Variants in ARHGEF38 observed in about 807,000 individuals in gnomAD.
ARHGEF38 encodes Rho guanine nucleotide exchange factor 38.
Under a neutral mutation model 79.9 loss-of-function variants are expected in ARHGEF38, and 79 were observed. The observed-to-expected ratio is 0.99, with a 90% CI of 0.82 to 1.19. The LOEUF is 1.19. Among genes scored for constraint, ARHGEF38 ranks in the 50% most tolerant of loss-of-function variants. The pLI is 0.00. For synonymous variants in ARHGEF38, 366 were observed against 328.3 expected, an observed-to-expected ratio of 1.11 and a Z score of -1.24; for missense variants, 962 against 907.2, an observed-to-expected ratio of 1.06 and a Z score of -0.78.
rs1465637339 is a variant in ARHGEF38, at chr4:105,667,547, C to T, written c.1992C>T (p.Asn664=). The T allele has an allele frequency of 6.5e-7, 1 of 1,536,694 alleles. No homozygotes were observed. The highest frequency in any genetic ancestry group is 8.7e-7 in the Non-Finnish European group (1 of 1,147,058). ...ENRFCDDDFE[N]ISLFVSSRPA... ...GGTTCTGTGACGATGATTTTGAGAA[C>T]ATCAGCCTCTTCGTGTCTTCACGGC... Residue 664 remains asparagine (N), a synonymous_variant, in exon 13 of 14, where the codon AAC becomes AAT. Coordinates refer to ENST00000420470, the MANE Select transcript of ARHGEF38 (RefSeq NM_001242729.2).
chr4:105,590,920 A>G (rs1727304810), intron 2 of ARHGEF38, among the ~76,000 whole-genome samples: 1 of 152,132 alleles, frequency 6.6e-6, no homozygotes, highest in Non-Finnish European at 1.5e-5. Context: ...GCTGTTTTAA[A>G]AAATGATGGT....
chr4:105,675,363 T>C (rs935382716), intron 13 of ARHGEF38, among the ~76,000 whole-genome samples: 2 of 152,222 alleles, frequency 1.3e-5, no homozygotes, highest in South Asian at 2.1e-4. Context: ...CCATGCGCTC[T>C]GTAAAAGGTG....
chr4:105,644,039 G>T (rs1385976438), intron 5 of ARHGEF38, among the ~76,000 whole-genome samples: 1 of 151,520 alleles, frequency 6.6e-6, no homozygotes, highest in Admixed American at 6.6e-5. Flanking sequence ...GCTAACTTTT[G>T]TATTTTTTTC....
In ARHGEF38 at chr4:105,679,936, C is replaced by T; in HGVS notation, c.*1999C>T. ...AAACTTTATAATTACCTCTCTGAAG[C>T]CTTTTAGTGTAATTTCTCTTTGTGA... On this transcript the variant is annotated 3_prime_UTR_variant, in exon 14 of 14. Coordinates refer to ENST00000420470, the MANE Select transcript of ARHGEF38 (RefSeq NM_001242729.2). 2 of 1,382,132 alleles carry T rather than the reference C, an allele frequency of 1.4e-6. No individual in the cohort carries two copies. The highest frequency in any genetic ancestry group is 2.1e-6 in the Non-Finnish European group (2 of 973,424). The allele number at this position is 1,382,132 out of a possible 1,614,324, so 85.6% of individuals were successfully genotyped here. A position where few individuals can be genotyped will look rare whatever the true frequency, so the allele number is the denominator to read the frequency against.
chr4:105,579,268 A>T (rs199319), intron 1 of ARHGEF38, among the ~76,000 whole-genome samples: 147,847 of 152,296 alleles, frequency 0.97, 71,768 homozygotes, highest in East Asian at 1. Flanking sequence ...CAATACTATG[A>T]TGAGTTAGAG....
chr4:105,649,950 C>T (rs943017684), intron 7 of ARHGEF38, among the ~76,000 whole-genome samples: 4 of 152,168 alleles, frequency 2.6e-5, no homozygotes, highest in African/African-American at 9.7e-5. Flanking sequence ...ATAACAAATT[C>T]AATGTAATCA....
intron 2 of ARHGEF38, among the ~76,000 whole-genome samples, chr4:105,602,835 C>T (rs938911800): frequency 5.3e-5 from 8 of 152,130 alleles, no homozygotes; most frequent in Non-Finnish European, 1.5e-5. Context: ...AAAAAAGAGA[C>T]AAGTGAGAAA....
intron 2 of ARHGEF38, among the ~76,000 whole-genome samples, chr4:105,592,367 T>C (rs538760326): frequency 6.6e-6 from 1 of 152,158 alleles, no homozygotes; most frequent in South Asian, 2.1e-4. Context: ...AGCTTACTAT[T>C]CTCTGATGCC....
chr4:105,620,151 T>C (rs1319198298), intron 3 of ARHGEF38, among the ~76,000 whole-genome samples: 1 of 152,226 alleles, frequency 6.6e-6, no homozygotes, highest in Non-Finnish European at 1.5e-5. Flanking sequence ...TTTAAAATCT[T>C]GACTTAAGCA....
intron 4 of ARHGEF38, chr4:105,632,663 A>G (rs780874015): frequency 2.0e-5 from 3 of 152,190 alleles, no homozygotes; most frequent in Non-Finnish European, 4.4e-5. Flanking sequence ...AGCTGGAGCC[A>G]TTTTCCTTCT....
At chr4:105,575,959 A>G (rs1162920257) in intron 1 of ARHGEF38, among the ~76,000 whole-genome samples, 3 of 152,130 alleles carry the variant, frequency 2.0e-5, no homozygotes, top group Non-Finnish European at 2.9e-5. Context: ...AACTGTTTAT[A>G]AGCATTTGAC....
At chr4:105,577,152 C>T (rs1340581336) in intron 1 of ARHGEF38, among the ~76,000 whole-genome samples, 1 of 150,474 alleles carries the variant, frequency 6.6e-6, no homozygotes, top group Non-Finnish European at 1.5e-5. Flanking sequence ...GCACAATGTG[C>T]AGGTTAGTTA....
At chr4:105,606,285 G>T (rs1049829644) in intron 2 of ARHGEF38, among the ~76,000 whole-genome samples, 1 of 152,046 alleles carries the variant, frequency 6.6e-6, no homozygotes, top group Non-Finnish European at 1.5e-5. Flanking sequence ...AGGATGATTT[G>T]GTTGGTGGCA....
At position 105,613,483 on chromosome 4, in the gene ARHGEF38, G is replaced by A. The variant is rs1316232436; in HGVS notation, c.484G>A (p.Val162Met). ...LSLLEEATTD[V>M]EPAMQVIGEV... ...ATTGTTGGAAGAGGCCACAACAGAC[G>A]TGGAACCGGCCATGCAAGTAATTGG... Residue 162 changes from valine (V) to methionine (M), a missense_variant, in exon 3 of 14, where the codon GTG becomes ATG. Coordinates refer to ENST00000420470, the MANE Select transcript of ARHGEF38 (RefSeq NM_001242729.2). 21 of 1,612,830 alleles carry A rather than the reference G, an allele frequency of 1.3e-5. No individual in the cohort carries two copies. Among genetic ancestry groups the A allele is most frequent in the Admixed American group, 1.7e-5 (1 of 59,924 alleles).
At chr4:105,625,494 G>A (rs775653294) in intron 3 of ARHGEF38, among the ~76,000 whole-genome samples, 1 of 152,210 alleles carries the variant, frequency 6.6e-6, no homozygotes, top group Middle Eastern at 3.2e-3. Flanking sequence ...GCTCTGGGAT[G>A]CAACCTCCTT....
At chr4:105,631,968 C>T (rs1330985706) in intron 4 of ARHGEF38, among the ~76,000 whole-genome samples, 3 of 151,998 alleles carry the variant, frequency 2.0e-5, no homozygotes, top group Non-Finnish European at 2.9e-5. Flanking sequence ...AATGTACACC[C>T]GTCTGATCCT....
intron 1 of ARHGEF38, 30 bp from the exon 2 acceptor site, chr4:105,589,218 G>A (rs1187433305): frequency 1.3e-6 from 2 of 1,567,398 alleles, no homozygotes; most frequent in Non-Finnish European, 1.7e-6. Flanking sequence ...TCAGCAGAAT[G>A]CCTCACCTGT....
chr4:105,668,698 A>ATAGATAGATAGG (rs1553950226), intron 13 of ARHGEF38, among the ~76,000 whole-genome samples: 30 of 152,148 alleles, frequency 2.0e-4, no homozygotes, highest in African/African-American at 7.0e-4. Flanking sequence ...AGATAGATAG[A>ATAGATAGATAGG]TAGATAGATG....
Position 105,645,235 on chromosome 4 carries a change from T to C in ARHGEF38, c.722T>C (p.Ile241Thr), listed in dbSNP as rs541178037. The C allele has an allele frequency of 6.5e-7, 1 of 1,535,314 alleles. No homozygotes were observed. Among genetic ancestry groups the C allele is most frequent in the South Asian group, 1.2e-5 (1 of 83,612 alleles). ...LDMGSLMIKP[I>T]QRVMKYPLLL... ...ATGGGCTCTTTGATGATCAAACCAATTCAACGTGTGATGAAATACCCCCTA... is the reference window on the plus strand; with the variant it reads ...ATGGGCTCTTTGATGATCAAACCAACTCAACGTGTGATGAAATACCCCCTA... The change falls in exon 6 of 14, where the codon ATT becomes ACT. Residue 241 changes from isoleucine (I) to threonine (T), a missense_variant. Coordinates refer to ENST00000420470, the MANE Select transcript of ARHGEF38 (RefSeq NM_001242729.2).
Sources: gnomAD v4.1 joint callset for allele counts (sites outside exome capture counted in the v4.1 genomes callset) on GRCh38, gnomAD v4.1.1 for gene constraint, MANE v1.5 for transcripts, NCBI Gene and HGNC (gene_info 2026-07-23, HGNC 2026-07-21) for gene names.